Variants in EYA1 observed in about 807,000 individuals in gnomAD.
The protein encoded by EYA1 is protein phosphatase EYA1.
EYA1 carries 16 observed loss-of-function variants against 82.0 expected under a neutral mutation model. The ratio of observed to expected loss-of-function variants is 0.20; its 90% confidence interval spans 0.13 to 0.30. The LOEUF (loss-of-function observed/expected upper bound fraction) is 0.30. Among genes scored for constraint, EYA1 ranks in the 10% least tolerant of loss-of-function variants. The pLI, the probability that EYA1 is intolerant of heterozygous loss-of-function variation, is 1.00. For synonymous variants in EYA1, 261 were observed against 264.4 expected (o/e 0.99, Z 0.12); for missense variants, 633 against 730.7 (o/e 0.87, Z 1.54).
intron 2 of EYA1, 35 bp from the exon 3 acceptor site, chr8:71,354,944 C>T: frequency 6.2e-7 from 1 of 1,607,778 alleles, no homozygotes; most frequent in Non-Finnish European, 8.5e-7. Flanking sequence ...GACAGATGTA[C>T]CAAATTCATA....
At chr8:71,333,993 A>C in intron 4 of EYA1, 104 bp downstream of exon 4, 1 of 804,398 alleles carries the variant, frequency 1.2e-6, no homozygotes, top group South Asian at 1.4e-5. Context: ...ATACCCACAT[A>C]TATACACATA....
intron 11 of EYA1, among the ~76,000 whole-genome samples, chr8:71,251,433 C>G (rs1813734298): frequency 6.6e-6 from 1 of 152,158 alleles, no homozygotes. Context: ...CACCCACACA[C>G]AGGAATGAAA....
At chr8:71,206,729 TG>T (rs2128820136) in intron 17 of EYA1, among the ~76,000 whole-genome samples, 1 of 152,230 alleles carries the variant, frequency 6.6e-6, no homozygotes, top group African/African-American at 2.4e-5. Context: ...AAAGAGGGAC[TG>T]GGATATAATA....
chr8:71,445,179 T>C (rs916039089), intron 2 of EYA1, among the ~76,000 whole-genome samples: 13 of 152,324 alleles, frequency 8.5e-5, no homozygotes, highest in South Asian at 6.2e-4. Context: ...AGTTCAGCTG[T>C]TAAAAATTTA....
chr8:71,432,715 G>A (rs1805713809), intron 2 of EYA1, among the ~76,000 whole-genome samples: 2 of 152,138 alleles, frequency 1.3e-5, no homozygotes, highest in African/African-American at 4.8e-5. Context: ...AAATACAGTT[G>A]TATTCTGAAG....
chr8:71,316,246 T>C (rs1821913529), intron 7 of EYA1, among the ~76,000 whole-genome samples: 1 of 152,100 alleles, frequency 6.6e-6, no homozygotes, highest in South Asian at 2.1e-4. Flanking sequence ...TAAAGGAGCA[T>C]AAAACAATTT....
At chr8:71,462,759 G>A (rs1468630949) in intron 2 of EYA1, among the ~76,000 whole-genome samples, 2 of 152,200 alleles carry the variant, frequency 1.3e-5, no homozygotes, top group African/African-American at 4.8e-5. Flanking sequence ...AGGCCTAGGG[G>A]CAGGTCCTGC....
chr8:71,395,786 C>G (rs1206017336), intron 2 of EYA1, among the ~76,000 whole-genome samples: 1 of 152,126 alleles, frequency 6.6e-6, no homozygotes, highest in Non-Finnish European at 1.5e-5. Context: ...GGTTTGGTAT[C>G]AGGATGATGT....
chr8:71,467,166 A>AAT (rs1005735901), intron 2 of EYA1, among the ~76,000 whole-genome samples: 1 of 151,944 alleles, frequency 6.6e-6, no homozygotes, highest in African/African-American at 2.4e-5. Flanking sequence ...CCTATGTTAA[A>AAT]ATATATATAT....
At chr8:71,287,912 T>G (rs949303645) in intron 9 of EYA1, among the ~76,000 whole-genome samples, 1 of 152,232 alleles carries the variant, frequency 6.6e-6, no homozygotes, top group Non-Finnish European at 1.5e-5. Context: ...ATTCTCATAG[T>G]CATCCTATAC....
intron 2 of EYA1, among the ~76,000 whole-genome samples, chr8:71,528,752 C>T (rs374740389): frequency 2.6e-5 from 4 of 152,298 alleles, no homozygotes; most frequent in East Asian, 3.9e-4. Flanking sequence ...CCTGAATCTG[C>T]GCTCTCATTC....
intron 2 of EYA1, among the ~76,000 whole-genome samples, chr8:71,398,937 C>T (rs1829792482): frequency 6.6e-6 from 1 of 152,246 alleles, no homozygotes; most frequent in South Asian, 2.1e-4. Flanking sequence ...GTATGGTGGG[C>T]TCCACCCAGT....
intron 2 of EYA1, among the ~76,000 whole-genome samples, chr8:71,476,894 A>ATATAAC (rs1349016065): frequency 6.6e-6 from 1 of 152,158 alleles, no homozygotes; most frequent in African/African-American, 2.4e-5. Context: ...GATAAATGTA[A>ATATAAC]TATAACTGAG....
chr8:71,342,221 C>A (rs1032997215), intron 3 of EYA1, among the ~76,000 whole-genome samples: 3 of 152,122 alleles, frequency 2.0e-5, no homozygotes, highest in African/African-American at 7.2e-5. Flanking sequence ...GCTTCTCTAC[C>A]GACTCCAGGA....
rs1457263900 is a variant in EYA1, at chr8:71,356,456, C to A, written c.-5+6G>T. 1 of 1,582,256 alleles carries A rather than the reference C, an allele frequency of 6.3e-7. No homozygotes were observed. Among genetic ancestry groups the A allele is most frequent in the Admixed American group, 1.8e-5 (1 of 55,436 alleles). On this transcript the variant is annotated splice_donor_region_variant and intron_variant, in intron 2 of 17. Coordinates refer to ENST00000340726, the MANE Select transcript of EYA1 (RefSeq NM_000503.6). ...CAAAAATGTCAAATATCAACAATAT[C>A]CTTACCTGCAACTTGAGGAAACAGC...
chr8:71,464,973 C>G (rs1808672590), intron 2 of EYA1, among the ~76,000 whole-genome samples: 1 of 152,186 alleles, frequency 6.6e-6, no homozygotes, highest in South Asian at 2.1e-4. Context: ...TACTCAGCTT[C>G]CACAAATACT....
At chr8:71,230,734 C>T (rs922133190) in intron 12 of EYA1, among the ~76,000 whole-genome samples, 1 of 152,234 alleles carries the variant, frequency 6.6e-6, no homozygotes, top group Non-Finnish European at 1.5e-5. Flanking sequence ...GGTTAATTAA[C>T]AGCCTGTTGG....
intron 3 of EYA1, among the ~76,000 whole-genome samples, chr8:71,353,116 C>T (rs1826469615): frequency 1.3e-5 from 2 of 152,312 alleles, no homozygotes; most frequent in South Asian, 4.1e-4. Flanking sequence ...ACTGTCTTAT[C>T]TGGACTTCAC....
intron 2 of EYA1, among the ~76,000 whole-genome samples, chr8:71,433,298 T>C (rs1805761758): frequency 6.6e-6 from 1 of 152,174 alleles, no homozygotes; most frequent in Non-Finnish European, 1.5e-5. Context: ...AACATAAACA[T>C]TCCAGGACTT....
Sources: allele counts gnomAD v4.1 joint callset (sites outside exome capture counted in the v4.1 genomes callset), GRCh38; gene constraint gnomAD v4.1.1; transcripts MANE v1.5; gene names NCBI Gene and HGNC (gene_info 2026-07-23, HGNC 2026-07-21).